The following DLC1 variants were observed in gnomAD, a reference collection of about 807,000 sequenced individuals.
DLC1 encodes the protein rho GTPase-activating protein 7.
A neutral mutation model predicts 140.3 loss-of-function variants in DLC1; 54 were observed. The observed-to-expected ratio is 0.38, with a 90% confidence interval of 0.31 to 0.48. The LOEUF (loss-of-function observed/expected upper bound fraction) is 0.48. DLC1 is among the 20% of genes least tolerant of loss of function. The probability of loss-of-function intolerance (pLI) is 0.96; values close to 1 mark genes in which losing one functional copy is unlikely to be tolerated. For missense variants in DLC1, 2,536 were observed against 1,907.0 expected (o/e 1.33, Z -6.14); for synonymous variants, 986 against 728.1 (o/e 1.35, Z -5.70).
At chr8:13,192,732 C>T (rs770372653) in intron 5 of DLC1, among the ~76,000 whole-genome samples, 2 of 152,136 alleles carry the variant, frequency 1.3e-5, no homozygotes, top group Admixed American at 6.5e-5. Context: ...AGGGCAGGAT[C>T]CTGATCCAAT....
intron 5 of DLC1, among the ~76,000 whole-genome samples, chr8:13,277,117 T>G (rs1367621288): frequency 6.6e-6 from 1 of 152,052 alleles, no homozygotes; most frequent in East Asian, 1.9e-4. Context: ...GGCCAGGAGC[T>G]TGAGAACAGC....
chr8:13,303,223 AGTC>A (rs1234844632), intron 5 of DLC1, among the ~76,000 whole-genome samples: 4 of 152,224 alleles, frequency 2.6e-5, no homozygotes, highest in African/African-American at 9.6e-5. Flanking sequence ...AAAGAGCAGA[AGTC>A]AGATTTTGCT....
chr8:13,331,540 G>C (rs1833588839), intron 4 of DLC1, among the ~76,000 whole-genome samples: 1 of 152,126 alleles, frequency 6.6e-6, no homozygotes, highest in South Asian at 2.1e-4. Context: ...GAAAGAATCA[G>C]TATGTGTAAT....
At chr8:13,348,495 T>C (rs1563272719) in intron 4 of DLC1, among the ~76,000 whole-genome samples, 2 of 152,148 alleles carry the variant, frequency 1.3e-5, no homozygotes, top group South Asian at 4.1e-4. Flanking sequence ...GATTTAGGGA[T>C]GACAAACTGG....
rs139546846 is a variant in DLC1 at position 13,462,696 on chromosome 8, G to A, written c.1023+36353C>T. On this transcript the variant is annotated intron_variant, in intron 2 of 17. Coordinates refer to ENST00000276297, the MANE Select transcript of DLC1 (RefSeq NM_182643.3). Reference sequence around the variant, plus strand: ...GCTGGGATTACAGGCGTGAGCCACCGCGCCCGGCCTACTATTCTTATTCTT... The same window carrying A: ...GCTGGGATTACAGGCGTGAGCCACCACGCCCGGCCTACTATTCTTATTCTT... Among the ~76,000 whole-genome samples, 129 of 152,180 alleles carry A rather than the reference G, an allele frequency of 8.5e-4. 1 individual carries two copies. The highest frequency in any genetic ancestry group is 1.4e-3 in the Non-Finnish European group (94 of 68,002).
At chr8:13,445,330 C>T (rs12545016) in intron 2 of DLC1, among the ~76,000 whole-genome samples, 3,160 of 152,034 alleles carry the variant, frequency 0.021, 233 homozygotes, top group Admixed American at 0.13. Flanking sequence ...GGAGGATAAA[C>T]GAATGATCTG....
intron 5 of DLC1, among the ~76,000 whole-genome samples, chr8:13,254,038 T>C (rs1830113411): frequency 6.6e-6 from 1 of 152,132 alleles, no homozygotes; most frequent in Non-Finnish European, 1.5e-5. Context: ...ACATAACAGC[T>C]TAGGGATATA....
At chr8:13,429,438 A>AC (rs75640378) in intron 2 of DLC1, among the ~76,000 whole-genome samples, 53,766 of 152,038 alleles carry the variant, frequency 0.35, 10,476 homozygotes, top group South Asian at 0.43. Context: ...AGGCATCCAT[A>AC]TTAAAAACAA....
chr8:13,220,235 G>A (rs1209835570), intron 5 of DLC1, among the ~76,000 whole-genome samples: 1 of 152,120 alleles, frequency 6.6e-6, no homozygotes, highest in Non-Finnish European at 1.5e-5. Context: ...CTCTGGGAAG[G>A]CAAGGGAAAT....
chr8:13,580,354 C>T (rs971938735), intron 1 of DLC1, among the ~76,000 whole-genome samples: 2 of 152,140 alleles, frequency 1.3e-5, no homozygotes, highest in African/African-American at 2.4e-5. Flanking sequence ...ATCGCCTGAC[C>T]TCGTGATCTG....
chr8:13,243,494 T>C (rs1216080643), intron 5 of DLC1, among the ~76,000 whole-genome samples: 3 of 152,122 alleles, frequency 2.0e-5, no homozygotes, highest in Admixed American at 6.6e-5. Context: ...TCAGGTAGTT[T>C]TGTACAGCCA....
At chr8:13,322,986 G>C (rs1362717162) in intron 4 of DLC1, among the ~76,000 whole-genome samples, 1 of 152,172 alleles carries the variant, frequency 6.6e-6, no homozygotes, top group African/African-American at 2.4e-5. Context: ...TACTCAAGCA[G>C]CTCCCTGTGG....
At chr8:13,268,641 C>T (rs1293717203) in intron 5 of DLC1, among the ~76,000 whole-genome samples, 3 of 152,152 alleles carry the variant, frequency 2.0e-5, no homozygotes, top group Non-Finnish European at 4.4e-5. Flanking sequence ...CCTTGGTCTC[C>T]AAAAGTGCTG....
chr8:13,347,126 G>C (rs1188628456), intron 4 of DLC1, among the ~76,000 whole-genome samples: 1 of 152,184 alleles, frequency 6.6e-6, no homozygotes, highest in Non-Finnish European at 1.5e-5. Context: ...ACTATCCGTA[G>C]TTTCAGGCAC....
At chr8:13,318,611 A>G (rs1832954521) in intron 4 of DLC1, among the ~76,000 whole-genome samples, 1 of 152,224 alleles carries the variant, frequency 6.6e-6, no homozygotes, top group South Asian at 2.1e-4. Context: ...GAAACTAAAG[A>G]TATTGGTATG....
chr8:13,148,347 A>C lies in DLC1; in HGVS notation c.1349-32690T>G, dbSNP rs867102324. On this transcript the variant is annotated intron_variant, in intron 5 of 17. Transcript: ENST00000276297. The stretch of plus-strand genomic sequence containing the variant: ...CCCTTCTTTGTGTCCATAAGTTCTC[A>C]TCATTTAGCTCCCACTTACAAGTGA... Among the ~76,000 whole-genome samples the C allele has an allele frequency of 3.9e-5, 6 of 152,106 alleles. No homozygotes were observed. In the South Asian group the frequency reaches 1.2e-3, roughly 32 times the overall value.
intron 5 of DLC1, among the ~76,000 whole-genome samples, chr8:13,149,282 G>A (rs1318520893): frequency 2.6e-5 from 4 of 152,018 alleles, no homozygotes; most frequent in Non-Finnish European, 5.9e-5. Flanking sequence ...GTTCATATAT[G>A]AGCTCTGTTC....
At chr8:13,164,314 ATATC>A (rs531754750) in intron 5 of DLC1, among the ~76,000 whole-genome samples, 20 of 148,838 alleles carry the variant, frequency 1.3e-4, no homozygotes, top group Non-Finnish European at 2.2e-4. Context: ...AAAAATCTCT[ATATC>A]TATCTATCTA....
rs1010027158 is a variant in DLC1, at chr8:13,117,683, C to G, written c.1349-2026G>C. Among the ~76,000 whole-genome samples the G allele has an allele frequency of 1.2e-4, 19 of 152,328 alleles. 1 individual carries two copies. Among genetic ancestry groups the G allele is most frequent in the Middle Eastern group, 6.8e-3 (2 of 294 alleles). ...GTTAAAAAGTAAATGTGCTTGCTTT[C>G]TTAATATTTAACTTAATAAGTGGTG... On this transcript the variant is annotated intron_variant, in intron 5 of 17. Coordinates refer to ENST00000276297, the MANE Select transcript of DLC1 (RefSeq NM_182643.3).
Sources: gnomAD v4.1 joint callset for allele counts (sites outside exome capture counted in the v4.1 genomes callset) on GRCh38, gnomAD v4.1.1 for gene constraint, MANE v1.5 for transcripts, NCBI Gene and HGNC (gene_info 2026-07-23, HGNC 2026-07-21) for gene names.